The following ELAVL1 variants were observed in gnomAD, a reference collection of about 807,000 sequenced individuals.
ELAVL1 encodes ELAV like RNA binding protein 1.
In ELAVL1, 1 loss-of-function variant was observed where a neutral mutation model predicts 28.4. That is an observed-to-expected ratio of 0.04 (90% confidence interval 0.01 to 0.17). The LOEUF (loss-of-function observed/expected upper bound fraction) is 0.17. Among genes scored for constraint, ELAVL1 ranks in the 10% least tolerant of loss-of-function variants. The probability of loss-of-function intolerance (pLI) is 1.00; values close to 1 mark genes in which losing one functional copy is unlikely to be tolerated. For synonymous variants in ELAVL1, 174 were observed against 183.5 expected, an observed-to-expected ratio of 0.95 and a Z score of 0.42; for missense variants, 157 against 447.2, an observed-to-expected ratio of 0.35 and a Z score of 5.85.
At position 7,962,988 on chromosome 19, in the gene ELAVL1, C is replaced by T. The variant is rs1307369419; in HGVS notation, c.*495G>A. 1 of 156,812 alleles carries T rather than the reference C, an allele frequency of 6.4e-6. No homozygotes were observed. Among genetic ancestry groups the T allele is most frequent in the African/African-American group, 2.4e-5 (1 of 41,478 alleles). The allele number at this position is 156,812 out of a possible 1,614,324, so 9.7% of individuals were successfully genotyped here. Reference sequence around the variant, plus strand: ...AGTGAGCAGGAGGTGGCAACGGGACCTGCCTGGAAAAGGAACTTCCTGTCA... The same window carrying T: ...AGTGAGCAGGAGGTGGCAACGGGACTTGCCTGGAAAAGGAACTTCCTGTCA... On this transcript the variant is annotated 3_prime_UTR_variant, in exon 6 of 6. Transcript: ENST00000407627.
intron 5 of ELAVL1, among the ~76,000 whole-genome samples, chr19:7,966,318 C>G (rs1289897453): frequency 6.6e-6 from 1 of 152,212 alleles, no homozygotes; most frequent in Non-Finnish European, 1.5e-5. Context: ...CGACAGCACA[C>G]CACATCCTGG....
rs373343292 is a variant in ELAVL1, at chr19:7,972,627, CTTTT to C, written c.430+1094_430+1097del. ...CAAATGTGCAGCAGCCTTTTTTTTT[CTTTT>C]TCTTTTTTTTTAAGAAACAGGGTCT... On this transcript the variant is annotated intron_variant, in intron 4 of 5. Coordinates refer to ENST00000407627, the MANE Select transcript of ELAVL1 (RefSeq NM_001419.3). 4.8e-4 allele frequency among the ~76,000 whole-genome samples: 68 copies of C among 141,756 alleles called. 1 individual carries two copies. Among genetic ancestry groups the C allele is most frequent in the African/African-American group, 1.7e-3 (67 of 39,206 alleles). The allele number at this position is 141,756 out of a possible 152,430, so 93.0% of individuals were successfully genotyped here.
chr19:7,967,451 G>A (rs1426851492), intron 5 of ELAVL1, 114 bp downstream of exon 5: 23 of 1,176,796 alleles, frequency 2.0e-5, no homozygotes, highest in Non-Finnish European at 2.4e-5. Flanking sequence ...ATTCTGAAAC[G>A]CGCTCTCTGA....
intron 4 of ELAVL1, among the ~76,000 whole-genome samples, chr19:7,971,172 G>A (rs1374280026): frequency 6.6e-6 from 1 of 152,224 alleles, no homozygotes; most frequent in African/African-American, 2.4e-5. Context: ...TCTTGCAGAG[G>A]GAAAGGAAGC....
chr19:7,976,883 T>G (rs950928131), intron 3 of ELAVL1, among the ~76,000 whole-genome samples: 4 of 151,732 alleles, frequency 2.6e-5, no homozygotes, highest in Admixed American at 2.6e-4. Context: ...AGACAGGGTC[T>G]TGCTATGTTG....
chr19:7,999,145 G>A (rs1214049230), intron 1 of ELAVL1, among the ~76,000 whole-genome samples: 1 of 152,254 alleles, frequency 6.6e-6, no homozygotes, highest in African/African-American at 2.4e-5. Context: ...GGCCGAGGTA[G>A]GCGGATCACC....
At position 7,982,769 on chromosome 19, in the gene ELAVL1, A is replaced by G. The variant is rs1038390853; in HGVS notation, c.173-1583T>C. On this transcript the variant is annotated intron_variant, in intron 2 of 5. Transcript: ENST00000407627. The surrounding 1 kb of genome is among the most constrained non-coding windows in gnomAD (Gnocchi z 4.3). ...ATCCCACGTGACATTTAGCAGTCAC[A>G]TCCCCTCAGGCTCCTCTCGACTATG... is the stretch of plus-strand genomic sequence containing the variant. 7.9e-5 allele frequency among the ~76,000 whole-genome samples: 12 copies of G among 152,188 alleles called. No individual in the cohort carries two copies. The highest frequency in any genetic ancestry group is 2.9e-4 in the African/African-American group (12 of 41,446).
chr19:7,991,914 T>TA lies in ELAVL1; in HGVS notation c.-16-84dup, dbSNP rs1031132221. The TA allele has an allele frequency of 3.4e-5, 37 of 1,102,702 alleles. 1 individual carries two copies. The South Asian group carries it at 3.6e-4, about 11-fold the overall frequency. The allele number at this position is 1,102,702 out of a possible 1,614,324, so 68.3% of individuals were successfully genotyped here. A position where few individuals can be genotyped will look rare whatever the true frequency, so the allele number is the denominator to read the frequency against. On this transcript the variant is annotated intron_variant, in intron 1 of 5. Transcript: ENST00000407627. ...CAAAACTAGTAACTGCATTTGCACTTAGAGATTTTCTTTCTTTCTTTTTTT... is the reference window on the plus strand; with the variant it reads ...CAAAACTAGTAACTGCATTTGCACTTAAGAGATTTTCTTTCTTTCTTTTTTT...
intron 1 of ELAVL1, 101 bp from the exon 2 acceptor site, chr19:7,991,932 CTTTTTT>C (rs398033838): frequency 2.0e-5 from 13 of 647,464 alleles, no homozygotes; most frequent in African/African-American, 1.8e-4. Flanking sequence ...TTCTTTCTTT[CTTTTTT>C]TTTTTTTTTG....
chr19:7,991,946 TTG>T, intron 1 of ELAVL1, 115 bp from the exon 2 acceptor site: 15 of 966,976 alleles, frequency 1.6e-5, no homozygotes, highest in Admixed American at 3.5e-5. Context: ...TTTTTTTTTT[TTG>T]TTTTGTTTTT....
chr19:8,002,517 CT>C (rs1464319225), intron 1 of ELAVL1, among the ~76,000 whole-genome samples: 5 of 152,248 alleles, frequency 3.3e-5, no homozygotes, highest in East Asian at 1.9e-4. Context: ...TGGTCTTCCC[CT>C]GACCCACAGC....
intron 3 of ELAVL1, among the ~76,000 whole-genome samples, chr19:7,980,554 G>C (rs1985431597): frequency 1.3e-5 from 2 of 152,152 alleles, no homozygotes; most frequent in South Asian, 4.1e-4. Context: ...GCTGCCCCTG[G>C]GCTGCTGCAC....
At chr19:8,005,241 T>G (rs1171679144) in intron 1 of ELAVL1, among the ~76,000 whole-genome samples, 1 of 151,694 alleles carries the variant, frequency 6.6e-6, no homozygotes, top group East Asian at 1.9e-4. Flanking sequence ...CCCCGGCGCA[T>G]GCCCACGCCG....
intron 4 of ELAVL1, among the ~76,000 whole-genome samples, chr19:7,969,679 C>T (rs944045718): frequency 5.3e-5 from 8 of 152,254 alleles, no homozygotes; most frequent in African/African-American, 1.4e-4. Context: ...TGAGAGCTGA[C>T]GCTGGCCGGC....
At chr19:7,987,005 AT>A (rs1241064070) in intron 2 of ELAVL1, among the ~76,000 whole-genome samples, 1 of 151,824 alleles carries the variant, frequency 6.6e-6, no homozygotes, top group Non-Finnish European at 1.5e-5. Flanking sequence ...AACATGACTC[AT>A]ATTAAGAAAA....
rs923319700 is a variant in ELAVL1, at chr19:7,982,638, A to G, written c.173-1452T>C. 1.3e-5 allele frequency among the ~76,000 whole-genome samples: 2 copies of G among 152,192 alleles called. No individual in the cohort carries two copies. The highest frequency in any genetic ancestry group is 2.9e-5 in the Non-Finnish European group (2 of 68,022). On this transcript the variant is annotated intron_variant, in intron 2 of 5. Coordinates refer to ENST00000407627, the MANE Select transcript of ELAVL1 (RefSeq NM_001419.3). This position sits in a 1 kb window ranked among gnomAD's most constrained non-coding sequence, Gnocchi z 4.3. ...CCTATGGGTACCACCGCAAGTGAGT[A>G]TGAAATGCTGGTGACGATGAATGTT... is the stretch of plus-strand genomic sequence containing the variant.
At chr19:7,964,038 G>C (rs1037167423) in intron 5 of ELAVL1, among the ~76,000 whole-genome samples, 1 of 152,104 alleles carries the variant, frequency 6.6e-6, no homozygotes, top group Non-Finnish European at 1.5e-5. Flanking sequence ...GGGCTGGTTG[G>C]TGCCCTCCAC....
chr19:8,000,054 A>T (rs12978737), intron 1 of ELAVL1, among the ~76,000 whole-genome samples: 1 of 151,998 alleles, frequency 6.6e-6, no homozygotes, highest in Non-Finnish European at 1.5e-5. Flanking sequence ...TGGGATTACA[A>T]GCATGAGCCA....
chr19:7,999,515 G>C (rs2081060405), intron 1 of ELAVL1, among the ~76,000 whole-genome samples: 1 of 152,208 alleles, frequency 6.6e-6, no homozygotes, highest in Admixed American at 6.5e-5. Flanking sequence ...AATGACCAAT[G>C]TCAGTGGTGA....
Sources: allele counts gnomAD v4.1 joint callset (sites outside exome capture counted in the v4.1 genomes callset), GRCh38; gene constraint gnomAD v4.1.1; non-coding constraint Gnocchi (gnomAD v3.1); transcripts MANE v1.5; gene names NCBI Gene and HGNC (gene_info 2026-07-23, HGNC 2026-07-21).